SNX30: variants seen among roughly 807,000 people sequenced by gnomAD.
The protein encoded by SNX30 is sorting nexin family member 30.
Under a neutral mutation model 46.4 loss-of-function variants are expected in SNX30, and 24 were observed. That is an observed-to-expected ratio of 0.52 (90% CI 0.37 to 0.73). The LOEUF (loss-of-function observed/expected upper bound fraction) is 0.73. Among genes scored for constraint, SNX30 ranks in the 30% least tolerant of loss-of-function variants. The pLI, the probability that SNX30 is intolerant of heterozygous loss-of-function variation, is 0.00. For synonymous variants in SNX30, 189 were observed against 211.5 expected (o/e 0.89, Z 0.92); for missense variants, 533 against 555.7 (o/e 0.96, Z 0.41).
In SNX30 at chr9:112,874,769, CGT is replaced by C. The variant is rs1491367067; in HGVS notation, c.*5927_*5928del. On this transcript the variant is annotated 3_prime_UTR_variant, in exon 9 of 9. Coordinates refer to ENST00000374232, the MANE Select transcript of SNX30 (RefSeq NM_001012994.2). ...AGAGATTGTAAAATGGAAAAAGAAT[CGT>C]TTTTTTGTTGACTTTTTGATGCTGG... The C allele has an allele frequency of 2.1e-5, 1 of 48,458 alleles. No individual in the cohort carries two copies. The highest frequency in any genetic ancestry group is 7.6e-5 in the Non-Finnish European group (1 of 13,118). The allele number at this position is 48,458 out of a possible 1,614,324, so 3.0% of individuals were successfully genotyped here. A position where few individuals can be genotyped will look rare whatever the true frequency, so the allele number is the denominator to read the frequency against.
chr9:112,838,269 G>A (rs1420129195), intron 5 of SNX30, among the ~76,000 whole-genome samples: 2 of 152,192 alleles, frequency 1.3e-5, no homozygotes, highest in South Asian at 2.1e-4. Context: ...CAGAGGGATG[G>A]CATTCCCATC....
At chr9:112,789,778 T>A (rs1839991970) in intron 1 of SNX30, among the ~76,000 whole-genome samples, 1 of 152,246 alleles carries the variant, frequency 6.6e-6, no homozygotes, top group Non-Finnish European at 1.5e-5. Context: ...TTTGACTTTA[T>A]GATCTTGTTA....
intron 3 of SNX30, among the ~76,000 whole-genome samples, chr9:112,824,505 C>T (rs996542284): frequency 1.3e-5 from 2 of 151,390 alleles, no homozygotes; most frequent in African/African-American, 4.9e-5. Flanking sequence ...CATCACTGTC[C>T]ACTCCCTCAC....
intron 1 of SNX30, among the ~76,000 whole-genome samples, chr9:112,795,648 G>T (rs574809255): frequency 3.3e-5 from 5 of 152,000 alleles, no homozygotes; most frequent in Non-Finnish European, 1.5e-5. Context: ...TATGTGGGCT[G>T]TTCCTGGAAG....
At chr9:112,836,698 A>C (rs1840757918) in intron 5 of SNX30, among the ~76,000 whole-genome samples, 1 of 152,248 alleles carries the variant, frequency 6.6e-6, no homozygotes, top group Admixed American at 6.5e-5. Context: ...TAGCTTTAAA[A>C]GTGGAGACAT....
intron 7 of SNX30, among the ~76,000 whole-genome samples, chr9:112,856,491 T>C (rs537098007): frequency 6.6e-6 from 1 of 150,628 alleles, no homozygotes; most frequent in South Asian, 2.1e-4. Context: ...GGCATTGGTG[T>C]GGGAAGTGTG....
chr9:112,823,367 C>T (rs930102563), intron 3 of SNX30, among the ~76,000 whole-genome samples: 1 of 152,206 alleles, frequency 6.6e-6, no homozygotes, highest in African/African-American at 2.4e-5. Context: ...ATAACACTAG[C>T]TTTATATCCA....
In SNX30 at chr9:112,838,638, A is replaced by G; in HGVS notation, c.955A>G (p.Met319Val). ...AGCCTTAGAAGAGCTGACAGATGAC[A>G]TGACAGAAGACTTCCTACCTGTGCT... ...STALEELTDDMTEDFLPVLRE... is the reference protein window; with the variant it reads ...STALEELTDDVTEDFLPVLRE... The change falls in exon 6 of 9, where the codon ATG becomes GTG. Residue 319 changes from methionine to valine, a missense_variant. Met to Val is a conservative substitution (Grantham distance 21). Around this residue, in one of 3 missense-constraint regions of SNX30, gnomAD observed 261 missense variants for 270.9 expected, o/e 0.96. Transcript: ENST00000374232. 6.2e-7 allele frequency: 1 copy of G among 1,614,214 alleles called. No homozygotes were observed. Among genetic ancestry groups the G allele is most frequent in the Non-Finnish European group, 8.5e-7 (1 of 1,180,040 alleles).
At chr9:112,883,402 C>T (rs1277911430), downstream of SNX30, among the ~76,000 whole-genome samples, 2 of 152,162 alleles carry the variant, frequency 1.3e-5, no homozygotes, top group African/African-American at 4.8e-5. Flanking sequence ...AATCCTGTCT[C>T]TGCCACTTCC....
intron 2 of SNX30, among the ~76,000 whole-genome samples, chr9:112,807,052 CTTTTTTTTTTTTTTTTTTT>C (rs10554051): frequency 7.9e-5 from 5 of 63,008 alleles, no homozygotes; most frequent in African/African-American, 3.5e-4. Context: ...TCTTTTCTAT[CTTTTTTTTTTTTTTTTTTT>C]TTTTTTTTTT....
chr9:112,790,107 G>T (rs1839996400), intron 1 of SNX30, among the ~76,000 whole-genome samples: 1 of 152,160 alleles, frequency 6.6e-6, no homozygotes, highest in East Asian at 1.9e-4. Context: ...GAATTCCTGG[G>T]CTGTGTGGCA....
At chr9:112,810,027 C>T (rs1366410243) in intron 2 of SNX30, among the ~76,000 whole-genome samples, 4 of 151,966 alleles carry the variant, frequency 2.6e-5, no homozygotes, top group Admixed American at 6.6e-5. Context: ...ACCGAAGGGG[C>T]GGTGTACTTT....
At position 112,838,573 on chromosome 9, in the gene SNX30, C is replaced by T. The variant is rs1840804387; in HGVS notation, c.890C>T (p.Pro297Leu). The change falls in exon 6 of 9, where the codon CCC becomes CTC. Residue 297 changes from proline to leucine, a missense_variant. By Grantham distance (98) the Pro-to-Leu change is moderately conservative. Around this residue, in one of 3 missense-constraint regions of SNX30, gnomAD observed 261 missense variants for 270.9 expected, o/e 0.96. Transcript: ENST00000374232. ...WSALEGELAEPLEGVSACIGN... is the reference protein window; with the variant it reads ...WSALEGELAELLEGVSACIGN... ...GCCTTGGAGGGTGAGCTGGCTGAACCCCTGGAGGGTGTGTCAGCTTGCATT... is the reference window on the plus strand; with the variant it reads ...GCCTTGGAGGGTGAGCTGGCTGAACTCCTGGAGGGTGTGTCAGCTTGCATT... 6.2e-7 allele frequency: 1 copy of T among 1,614,108 alleles called. No homozygotes were observed. Among genetic ancestry groups the T allele is most frequent in the Non-Finnish European group, 8.5e-7 (1 of 1,179,996 alleles).
chr9:112,755,074 G>A (rs1292094219), intron 1 of SNX30, among the ~76,000 whole-genome samples: 1 of 152,194 alleles, frequency 6.6e-6, no homozygotes, highest in Non-Finnish European at 1.5e-5. Flanking sequence ...CTATGAGCCA[G>A]GCACTGTTCT....
At chr9:112,836,049 G>A (rs553675590) in intron 4 of SNX30, among the ~76,000 whole-genome samples, 165 bp from the exon 5 acceptor site, 13 of 152,308 alleles carry the variant, frequency 8.5e-5, no homozygotes, top group African/African-American at 1.2e-4. Flanking sequence ...TGGTTATGAC[G>A]TCCAGGCCAG....
intron 1 of SNX30, among the ~76,000 whole-genome samples, chr9:112,785,690 G>A (rs572744628): frequency 6.6e-6 from 1 of 152,046 alleles, no homozygotes; most frequent in African/African-American, 2.4e-5. Context: ...GGCCGTGCCT[G>A]GCTAAGTTTT....
rs1250278720 is a variant in SNX30 at position 112,874,456 on chromosome 9, CG to C, written c.*5615del. ...CTGTTAAAGAAGAGATTAAAAACTT[CG>C]GCTTTGGACATGTCCACATTATGGA... On this transcript the variant is annotated 3_prime_UTR_variant, in exon 9 of 9. Transcript: ENST00000374232. The C allele has an allele frequency of 6.6e-6, 1 of 152,202 alleles. No homozygotes were observed. Among genetic ancestry groups the C allele is most frequent in the Non-Finnish European group, 1.5e-5 (1 of 68,032 alleles). The allele number at this position is 152,202 out of a possible 1,614,324, so 9.4% of individuals were successfully genotyped here.
At chr9:112,798,149 C>CTTT (rs60666962) in intron 1 of SNX30, among the ~76,000 whole-genome samples, 1 of 82,202 alleles carries the variant, frequency 1.2e-5, no homozygotes, top group Admixed American at 1.5e-4. Flanking sequence ...TTATTATACT[C>CTTT]TAAGTTTTAG....
At chr9:112,753,753 C>G (rs1247721724) in intron 1 of SNX30, among the ~76,000 whole-genome samples, 1 of 152,170 alleles carries the variant, frequency 6.6e-6, no homozygotes, top group African/African-American at 2.4e-5. Flanking sequence ...TCTCAAGGGC[C>G]TGATTTATAG....
Sources: allele counts gnomAD v4.1 joint callset (sites outside exome capture counted in the v4.1 genomes callset), GRCh38; gene constraint gnomAD v4.1.1; regional missense constraint gnomAD v4.1.1; transcripts MANE v1.5; gene names NCBI Gene and HGNC (gene_info 2026-07-23, HGNC 2026-07-21).